CDH18: variants seen among roughly 807,000 people sequenced by gnomAD.
CDH18 encodes the protein cadherin-18.
In CDH18, 31 loss-of-function variants were observed where a neutral mutation model predicts 67.9. That is an observed-to-expected ratio of 0.46 (90% CI 0.34 to 0.62). The LOEUF is 0.62. Among genes scored for constraint, CDH18 ranks in the 20% least tolerant of loss-of-function variants. The pLI, the probability that CDH18 is intolerant of heterozygous loss-of-function variation, is 0.01. For missense variants in CDH18, 890 were observed against 975.5 expected, an observed-to-expected ratio of 0.91 and a Z score of 1.17; for synonymous variants, 362 against 347.2, an observed-to-expected ratio of 1.04 and a Z score of -0.48.
chr5:20,455,223 A>C (rs780479832), intron 1 of CDH18, among the ~76,000 whole-genome samples: 20 of 152,122 alleles, frequency 1.3e-4, no homozygotes, highest in Admixed American at 2.6e-4. Context: ...AGGGGGCTAC[A>C]CATGGCCACA....
intron 2 of CDH18, among the ~76,000 whole-genome samples, chr5:19,922,351 C>G (rs538599970): frequency 1.3e-5 from 2 of 152,270 alleles, no homozygotes; most frequent in South Asian, 2.1e-4. Context: ...CTTGAAATTA[C>G]TACAAAATGG....
intron 5 of CDH18, among the ~76,000 whole-genome samples, chr5:19,643,153 G>A (rs986796731): frequency 1.3e-5 from 2 of 152,022 alleles, no homozygotes; most frequent in African/African-American, 4.8e-5. Context: ...AGCCCTCTTA[G>A]AATGGCCAGT....
chr5:20,440,792 T>C (rs1749549127), intron 1 of CDH18, among the ~76,000 whole-genome samples: 1 of 151,994 alleles, frequency 6.6e-6, no homozygotes, highest in South Asian at 2.1e-4. Flanking sequence ...ATTTAGTAAA[T>C]AGCATTGCTA....
chr5:19,846,969 G>A (rs1163800518), intron 2 of CDH18, among the ~76,000 whole-genome samples: 1 of 151,610 alleles, frequency 6.6e-6, no homozygotes, highest in Admixed American at 6.6e-5. Flanking sequence ...GTCACTTCTG[G>A]CCTTTATGAT....
chr5:20,220,906 A>C (rs1741172641), intron 2 of CDH18, among the ~76,000 whole-genome samples: 1 of 152,126 alleles, frequency 6.6e-6, no homozygotes, highest in Non-Finnish European at 1.5e-5. Context: ...AATTCAAATG[A>C]AAACTACAAT....
intron 2 of CDH18, among the ~76,000 whole-genome samples, chr5:20,212,708 A>G (rs1448449303): frequency 2.0e-5 from 3 of 151,920 alleles, no homozygotes; most frequent in African/African-American, 7.3e-5. Context: ...AAAAGAAAAA[A>G]AAAAACATAT....
At chr5:20,158,067 T>G (rs78451674) in intron 2 of CDH18, among the ~76,000 whole-genome samples, 4 of 152,170 alleles carry the variant, frequency 2.6e-5, no homozygotes, top group African/African-American at 9.7e-5. Flanking sequence ...TGTCTTTTTG[T>G]GAATTGGAGT....
At chr5:20,126,129 G>T (rs920085552) in intron 2 of CDH18, among the ~76,000 whole-genome samples, 2 of 152,118 alleles carry the variant, frequency 1.3e-5, no homozygotes, top group African/African-American at 4.8e-5. Flanking sequence ...CAGATTGATG[G>T]AACAGAATAA....
At position 19,748,130 on chromosome 5, in the gene CDH18, A is replaced by AAAAAAAAAAAAAAAAAAAC. The variant is rs1561215759; in HGVS notation, c.229-895_229-894insGTTTTTTTTTTTTTTTTTT. Among the ~76,000 whole-genome samples the AAAAAAAAAAAAAAAAAAAC allele has an allele frequency of 1.4e-5, 2 of 144,894 alleles. 1 individual carries two copies. ...TCCATCTCAAAAAAAAAAAAAAAAA[A>AAAAAAAAAAAAAAAAAAAC]AAAGAGTACTTTTTTAGGGATAGAG... On this transcript the variant is annotated intron_variant, in intron 3 of 12. Coordinates refer to ENST00000382275, the MANE Select transcript of CDH18 (RefSeq NM_004934.5).
chr5:19,716,392 T>C lies in CDH18; in HGVS notation c.643+4955A>G, dbSNP rs555180109. Reference sequence around the variant, plus strand: ...ATATTTATAATTTACGCTATATTTATATTATATTAATTAAACTATAACGTG... The same window carrying C: ...ATATTTATAATTTACGCTATATTTACATTATATTAATTAAACTATAACGTG... On this transcript the variant is annotated intron_variant, in intron 5 of 12. Coordinates refer to ENST00000382275, the MANE Select transcript of CDH18 (RefSeq NM_004934.5). 7.2e-4 allele frequency among the ~76,000 whole-genome samples: 110 copies of C among 152,206 alleles called. 1 individual carries two copies. The highest frequency in any genetic ancestry group is 2.5e-3 in the African/African-American group (103 of 41,558).
intron 5 of CDH18, among the ~76,000 whole-genome samples, chr5:19,660,906 G>A (rs1001339985): frequency 6.6e-6 from 1 of 151,828 alleles, no homozygotes; most frequent in African/African-American, 2.4e-5. Context: ...AGATGGGATT[G>A]TTTCAAGCCT....
intron 2 of CDH18, among the ~76,000 whole-genome samples, chr5:19,933,932 T>C (rs1369531452): frequency 6.6e-6 from 1 of 151,436 alleles, no homozygotes; most frequent in Non-Finnish European, 1.5e-5. Flanking sequence ...CTAGTTTGGA[T>C]CTATCCCTTG....
At position 20,014,544 on chromosome 5, in the gene CDH18, G is replaced by A. The variant is rs1737721324; in HGVS notation, c.-517-22530C>T. ...ATCTAAGTTTTCAGCTGTATAATAA[G>A]AAAGCAAAAGAATCTGAAAGCAAGA... On this transcript the variant is annotated intron_variant, in intron 2 of 14. Coordinates refer to the CDH18 transcript ENST00000507958. Among the ~76,000 whole-genome samples the A allele has an allele frequency of 2.0e-5, 3 of 152,076 alleles. No individual in the cohort carries two copies. The South Asian group carries it at 6.2e-4, about 32-fold the overall frequency.
At chr5:19,765,457 T>A (rs959658855) in intron 3 of CDH18, among the ~76,000 whole-genome samples, 7 of 152,134 alleles carry the variant, frequency 4.6e-5, no homozygotes, top group Non-Finnish European at 8.8e-5. Flanking sequence ...GGATTTCTCA[T>A]CACATTTTTT....
chr5:19,543,926 C>G lies in CDH18; in HGVS notation c.1333G>C (p.Val445Leu). ...CATGGAGTTTCTTCTCTGTCGAGAA[C>G]CTTTGTAGTCCTAATGGTCCCAGTA... ...ANTGTIRTTK[V>L]LDREETPWYN... Residue 445 changes from valine to leucine, a missense_variant, in exon 9 of 13, where the codon GTT becomes CTT. Transcript: ENST00000382275. 6.3e-7 allele frequency: 1 copy of G among 1,595,586 alleles called. No individual in the cohort carries two copies. Among genetic ancestry groups the G allele is most frequent in the Admixed American group, 1.7e-5 (1 of 59,786 alleles).
intron 3 of CDH18, among the ~76,000 whole-genome samples, chr5:19,778,760 A>G (rs979295197): frequency 3.9e-5 from 6 of 152,178 alleles, no homozygotes; most frequent in Non-Finnish European, 8.8e-5. Flanking sequence ...AAAAAATTTA[A>G]GGCTTTCCCT....
At chr5:20,331,193 C>T (rs184476495) in intron 1 of CDH18, among the ~76,000 whole-genome samples, 1 of 152,246 alleles carries the variant, frequency 6.6e-6, no homozygotes, top group Admixed American at 6.5e-5. Flanking sequence ...AAATTCAGGA[C>T]TAGTAGTATA....
At chr5:19,648,155 C>T (rs923074747) in intron 5 of CDH18, among the ~76,000 whole-genome samples, 1 of 152,130 alleles carries the variant, frequency 6.6e-6, no homozygotes, top group African/African-American at 2.4e-5. Flanking sequence ...TGGCTCAGAC[C>T]TGTAATCCCA....
At position 20,103,786 on chromosome 5, in the gene CDH18, T is replaced by C. The variant is rs564612770; in HGVS notation, c.-517-111772A>G. 1.9e-4 allele frequency among the ~76,000 whole-genome samples: 25 copies of C among 128,542 alleles called. No individual in the cohort carries two copies. The South Asian group carries it at 4.3e-3, about 22-fold the overall frequency. The allele number at this position is 128,542 out of a possible 152,430, so 84.3% of individuals were successfully genotyped here. A position where few individuals can be genotyped will look rare whatever the true frequency, so the allele number is the denominator to read the frequency against. ...TATAATTTAATATAGAATTTATTAA[T>C]GGAGCTATGTACATAGAAACCAAAA... is the stretch of plus-strand genomic sequence containing the variant. On this transcript the variant is annotated intron_variant, in intron 2 of 14. Coordinates refer to the CDH18 transcript ENST00000507958.
Sources: allele counts gnomAD v4.1 joint callset (sites outside exome capture counted in the v4.1 genomes callset), GRCh38; gene constraint gnomAD v4.1.1; transcripts MANE v1.5; gene names NCBI Gene and HGNC (gene_info 2026-07-23, HGNC 2026-07-21).